Variants in KLHL36 observed in about 807,000 individuals in gnomAD.
The protein encoded by KLHL36 is kelch like family member 36.
KLHL36 carries 35 observed loss-of-function variants against 53.3 expected under a neutral mutation model. That is an observed-to-expected ratio of 0.66 (90% CI 0.50 to 0.87). The LOEUF is 0.87. Ranked by LOEUF, KLHL36 falls within the 40% of genes least tolerant of loss-of-function variation. The pLI, the probability that KLHL36 is intolerant of heterozygous loss-of-function variation, is 0.00. For synonymous variants in KLHL36, 472 were observed against 398.9 expected (o/e 1.18, Z -2.18); for missense variants, 864 against 897.6 (o/e 0.96, Z 0.48).
rs184760230 is a variant in KLHL36 at position 84,654,798 on chromosome 16, C to T, written c.64-2073C>T. Among the ~76,000 whole-genome samples the T allele has an allele frequency of 3.9e-4, 60 of 152,212 alleles. No individual in the cohort carries two copies. In the East Asian group the frequency reaches 0.01, roughly 26 times the overall value. On this transcript the variant is annotated intron_variant, in intron 2 of 4. Transcript: ENST00000564996. ...GCTAATTTTGTATTTTTACTAGAGA[C>T]GGGGTTTCACCATGTTGGTCAGGCT... is the stretch of plus-strand genomic sequence containing the variant.
At position 84,662,045 on chromosome 16, in the gene KLHL36, G is replaced by C. The variant is rs535555533; in HGVS notation, c.1763G>C (p.Gly588Ala). ...GACCTGCCCAAGGCCATCGCTGGCG[G>C]GTCCGCCTGTGTCTGCGCCCTGGAG... is the stretch of plus-strand genomic sequence containing the variant. Reference protein sequence around the residue: ...GVDLPKAIAGGSACVCALEPR... With the variant: ...GVDLPKAIAGASACVCALEPR... The change falls in exon 5 of 5, where the codon GGG (glycine) becomes GCG (alanine). Residue 588 changes from glycine to alanine, a missense_variant. Transcript: ENST00000564996. 1.9e-6 allele frequency: 3 copies of C among 1,583,326 alleles called. No individual in the cohort carries two copies. The Admixed American group carries it at 5.5e-5, about 29-fold the overall frequency.
intron 2 of KLHL36, among the ~76,000 whole-genome samples, chr16:84,654,575 CTAGTT>C (rs1201368586): frequency 6.0e-4 from 87 of 143,934 alleles, no homozygotes; most frequent in African/African-American, 2.0e-3. Flanking sequence ...TTGCTTGAGA[CTAGTT>C]TTGTTTTGTT....
Position 84,661,493 on chromosome 16 carries a change from G to A in KLHL36, c.1296-85G>A, listed in dbSNP as rs1027753687. ...TTCTTAAATCCTCATGGCCCTCTAA[G>A]ACGGCAGGCTGTTCCCCGGCTCGGA... On this transcript the variant is annotated intron_variant, in intron 4 of 4. Transcript: ENST00000564996. This position sits in a 1 kb window ranked among gnomAD's most constrained non-coding sequence, Gnocchi z 7.9. 15 of 1,368,240 alleles carry A rather than the reference G, an allele frequency of 1.1e-5. No homozygotes were observed. Among genetic ancestry groups the A allele is most frequent in the Non-Finnish European group, 1.5e-5 (15 of 1,002,622 alleles). The allele number at this position is 1,368,240 out of a possible 1,614,324, so 84.8% of individuals were successfully genotyped here. A position where few individuals can be genotyped will look rare whatever the true frequency, so the allele number is the denominator to read the frequency against.
In KLHL36 at chr16:84,661,712, G is replaced by C; in HGVS notation, c.1430G>C (p.Arg477Pro). 6.2e-7 allele frequency: 1 copy of C among 1,613,552 alleles called. No homozygotes were observed. The highest frequency in any genetic ancestry group is 1.1e-5 in the South Asian group (1 of 91,044). The change falls in exon 5 of 5, where the codon CGG becomes CCG. Residue 477 changes from arginine to proline, a missense_variant. Transcript: ENST00000564996. The surrounding 1 kb of genome is among the most constrained non-coding windows in gnomAD (Gnocchi z 7.9). ...CGGACAGACGTGTGGGAGGAGCGGCGGCCCATGACCACGGCGCGCGGCTGG... is the reference window on the plus strand; with the variant it reads ...CGGACAGACGTGTGGGAGGAGCGGCCGCCCATGACCACGGCGCGCGGCTGG... ...DHRTDVWEER[R>P]PMTTARGWHS... is the part of the protein sequence containing the mutation.
chr16:84,655,812 G>C (rs941842755), intron 2 of KLHL36, among the ~76,000 whole-genome samples: 2 of 152,040 alleles, frequency 1.3e-5, no homozygotes, highest in African/African-American at 4.8e-5. Context: ...TGCCCAGCCA[G>C]TTCTTCACCT....
chr16:84,667,583 T>A lies in KLHL36; in HGVS notation c.*5450T>A, dbSNP rs548019503. 3.7e-4 allele frequency: 57 copies of A among 152,328 alleles called. No homozygotes were observed. The highest frequency in any genetic ancestry group is 1.3e-3 in the African/African-American group (56 of 41,580). The allele number at this position is 152,328 out of a possible 1,614,324, so 9.4% of individuals were successfully genotyped here. A position where few individuals can be genotyped will look rare whatever the true frequency, so the allele number is the denominator to read the frequency against. ...GGTATGGTTTATTTTATAATTACAT[T>A]CCTAGTCTTGTGTGGTTATTGTAAT... On this transcript the variant is annotated 3_prime_UTR_variant, in exon 5 of 5. Coordinates refer to ENST00000564996, the MANE Select transcript of KLHL36 (RefSeq NM_024731.4).
intron 4 of KLHL36, among the ~76,000 whole-genome samples, chr16:84,660,842 G>C (rs1333822344): frequency 2.0e-5 from 3 of 152,032 alleles, no homozygotes; most frequent in Admixed American, 6.6e-5. Flanking sequence ...GGCTGGTCTT[G>C]AACTCCTAGC....
In KLHL36 at chr16:84,657,435, C is replaced by A; in HGVS notation, c.628C>A (p.Leu210Ile). The part of the protein sequence containing the change: ...SEVQRECEHD[L>I]LQAALQWLTQ... Reference sequence around the variant, plus strand: ...GGTGCAGCGGGAGTGTGAGCACGACCTCCTGCAGGCCGCCCTGCAGTGGCT... The same window carrying A: ...GGTGCAGCGGGAGTGTGAGCACGACATCCTGCAGGCCGCCCTGCAGTGGCT... The change falls in exon 3 of 5, where the codon CTC (leucine) becomes ATC (isoleucine). Residue 210 changes from leucine to isoleucine, a missense_variant. Leu to Ile is a conservative substitution (Grantham distance 5). Coordinates refer to ENST00000564996, the MANE Select transcript of KLHL36 (RefSeq NM_024731.4). 6.2e-7 allele frequency: 1 copy of A among 1,606,298 alleles called. No homozygotes were observed. Among genetic ancestry groups the A allele is most frequent in the Non-Finnish European group, 8.5e-7 (1 of 1,179,960 alleles).
chr16:84,661,195 T>C lies in KLHL36; in HGVS notation c.1296-383T>C, dbSNP rs146853580. Among the ~76,000 whole-genome samples the C allele has an allele frequency of 3.0e-4, 45 of 152,320 alleles. No individual in the cohort carries two copies. The highest frequency in any genetic ancestry group is 9.9e-4 in the African/African-American group (41 of 41,560). ...CCAGCACAGTTAGAATTGGACTGTA[T>C]GTCGTATTTCCTCTTTGATGTGTGA... On this transcript the variant is annotated intron_variant, in intron 4 of 4. Coordinates refer to ENST00000564996, the MANE Select transcript of KLHL36 (RefSeq NM_024731.4). This position sits in a 1 kb window ranked among gnomAD's most constrained non-coding sequence, Gnocchi z 7.9.
chr16:84,657,184 T>A lies in KLHL36; in HGVS notation c.377T>A (p.Leu126Gln). The change falls in exon 3 of 5, where the codon CTG (leucine) becomes CAG (glutamine). Residue 126 changes from leucine (L) to glutamine (Q), a missense_variant. Coordinates refer to ENST00000564996, the MANE Select transcript of KLHL36 (RefSeq NM_024731.4). ...TACGTCCTGGAGACGGCTCACCTGC[T>A]GCAGATCTGGACGGTGGTAGACTTC... is the stretch of plus-strand genomic sequence containing the variant. ...IDYVLETAHL[L>Q]QIWTVVDFCC... 6.2e-7 allele frequency: 1 copy of A among 1,614,174 alleles called. No individual in the cohort carries two copies. The highest frequency in any genetic ancestry group is 8.5e-7 in the Non-Finnish European group (1 of 1,180,032).
Position 84,665,559 on chromosome 16 carries a change from C to G in KLHL36, c.*3426C>G, listed in dbSNP as rs1907790995. 1 of 152,162 alleles carries G rather than the reference C, an allele frequency of 6.6e-6. No homozygotes were observed. Among genetic ancestry groups the G allele is most frequent in the Non-Finnish European group, 1.5e-5 (1 of 68,038 alleles). 9.4% of individuals were successfully genotyped at this position (152,162 alleles called of 1,614,324 possible). ...TTATTGTTCTGCCATTTTATTGAGG[C>G]TATCAAGTGGGACTTCAGACCTGGC... On this transcript the variant is annotated 3_prime_UTR_variant, in exon 5 of 5. Transcript: ENST00000564996.
intron 3 of KLHL36, 122 bp downstream of exon 3, chr16:84,658,066 A>T (rs1370811063): frequency 1.3e-6 from 1 of 778,806 alleles, no homozygotes; most frequent in Non-Finnish European, 2.0e-6. Flanking sequence ...ATGAGGTGTG[A>T]TGATAAAGTG....
Position 84,658,120 on chromosome 16 carries a change from G to T in KLHL36, c.1137+176G>T, listed in dbSNP as rs2150725886. 5.5e-6 allele frequency: 3 copies of T among 544,404 alleles called. No homozygotes were observed. The East Asian group carries it at 9.4e-5, about 17-fold the overall frequency. 33.7% of individuals were successfully genotyped at this position (544,404 alleles called of 1,614,324 possible). A position where few individuals can be genotyped will look rare whatever the true frequency, so the allele number is the denominator to read the frequency against. Reference sequence around the variant, plus strand: ...GGCCTACATCCTGGACAGGGAGAGGGAGAGCCGACCCACCCCTTCGAGGGG... The same window carrying T: ...GGCCTACATCCTGGACAGGGAGAGGTAGAGCCGACCCACCCCTTCGAGGGG... On this transcript the variant is annotated intron_variant, in intron 3 of 4. Coordinates refer to ENST00000564996, the MANE Select transcript of KLHL36 (RefSeq NM_024731.4).
At chr16:84,652,049 G>A (rs1209913103) in intron 2 of KLHL36, among the ~76,000 whole-genome samples, 1 of 152,192 alleles carries the variant, frequency 6.6e-6, no homozygotes, top group Non-Finnish European at 1.5e-5. Flanking sequence ...AGTTCCCCAA[G>A]AAGGTTCCTG....
chr16:84,660,166 G>T (rs973699394), intron 4 of KLHL36, among the ~76,000 whole-genome samples: 1 of 152,170 alleles, frequency 6.6e-6, no homozygotes, highest in African/African-American at 2.4e-5. Context: ...GGCTGAGTGT[G>T]TGCAGTTGCT....
Position 84,662,018 on chromosome 16 carries a change from T to A in KLHL36, c.1736T>A (p.Val579Asp). Residue 579 changes from valine to aspartate, a missense_variant, in exon 5 of 5, where the codon GTC becomes GAC. Transcript: ENST00000564996. ...DREADKWSRG[V>D]DLPKAIAGGS... ...GAGGCCGACAAGTGGAGCAGGGGCG[T>A]CGACCTGCCCAAGGCCATCGCTGGC... 6.3e-7 allele frequency: 1 copy of A among 1,589,692 alleles called. No individual in the cohort carries two copies. Among genetic ancestry groups the A allele is most frequent in the Non-Finnish European group, 8.5e-7 (1 of 1,169,612 alleles).
intron 2 of KLHL36, among the ~76,000 whole-genome samples, chr16:84,654,149 C>T (rs1039087656): frequency 5.3e-5 from 8 of 152,208 alleles, no homozygotes; most frequent in African/African-American, 1.9e-4. Context: ...CATGGTAGGG[C>T]CAGCACCCTC....
At chr16:84,653,166 A>G (rs933612779) in intron 2 of KLHL36, among the ~76,000 whole-genome samples, 6 of 151,976 alleles carry the variant, frequency 3.9e-5, no homozygotes, top group Non-Finnish European at 8.8e-5. Flanking sequence ...GCAGTGAGCT[A>G]TGATCGCACC....
Position 84,659,893 on chromosome 16 carries a change from G to C in KLHL36, c.1271G>C (p.Trp424Ser). The C allele has an allele frequency of 6.2e-7, 1 of 1,609,274 alleles. No homozygotes were observed. Among genetic ancestry groups the C allele is most frequent in the Non-Finnish European group, 8.5e-7 (1 of 1,176,090 alleles). ...VETYSPKTDS[W>S]SYVAGLPRFT... ...ACGTACAGTCCCAAGACTGACTCCT[G>C]GTCCTATGTGGCCGGCTTGCCAAGG... The change falls in exon 4 of 5, where the codon TGG becomes TCG. Residue 424 changes from tryptophan (W) to serine (S), a missense_variant. By Grantham distance (177) the Trp-to-Ser change is radical (BLOSUM62 -3). Transcript: ENST00000564996.
Sources: gnomAD v4.1 joint callset for allele counts (sites outside exome capture counted in the v4.1 genomes callset) on GRCh38, gnomAD v4.1.1 for gene constraint, Gnocchi (gnomAD v3.1) non-coding constraint, MANE v1.5 for transcripts, NCBI Gene and HGNC (gene_info 2026-07-23, HGNC 2026-07-21) for gene names.